Variants in SWT1 observed in about 807,000 individuals in gnomAD.
SWT1 encodes SWT1 RNA endoribonuclease homolog.
A neutral mutation model predicts 107.3 loss-of-function variants in SWT1; 33 were observed. The observed-to-expected ratio is 0.31, with a 90% confidence interval of 0.23 to 0.41. The LOEUF (loss-of-function observed/expected upper bound fraction) is 0.41. Ranked by LOEUF, SWT1 falls within the 10% of genes least tolerant of loss-of-function variation. SWT1 has a pLI of 1.00. For missense variants in SWT1, 898 were observed against 1,028.9 expected, an observed-to-expected ratio of 0.87 and a Z score of 1.74; for synonymous variants, 345 against 348.3, an observed-to-expected ratio of 0.99 and a Z score of 0.11.
intron 5 of SWT1, among the ~76,000 whole-genome samples, chr1:185,179,320 A>G (rs1402051678): frequency 6.6e-6 from 1 of 152,204 alleles, no homozygotes; most frequent in African/African-American, 2.4e-5. Flanking sequence ...AGATTTCCGT[A>G]AAGTACATGT....
intron 16 of SWT1, among the ~76,000 whole-genome samples, chr1:185,235,448 C>T (rs1410108197): frequency 1.3e-5 from 2 of 152,108 alleles, no homozygotes; most frequent in African/African-American, 2.4e-5. Flanking sequence ...ATAAACAGAG[C>T]CAAAGACAAA....
chr1:185,225,307 T>C (rs1032559847), intron 15 of SWT1, among the ~76,000 whole-genome samples: 2 of 152,190 alleles, frequency 1.3e-5, no homozygotes, highest in African/African-American at 4.8e-5. Context: ...GTGGTTGGAT[T>C]CAGTTTGCTA....
chr1:185,279,042 T>C (rs543670827), intron 18 of SWT1, among the ~76,000 whole-genome samples: 2 of 152,152 alleles, frequency 1.3e-5, no homozygotes, highest in South Asian at 4.1e-4. Context: ...TTAAAATAAG[T>C]TTTTCAAGAA....
intron 16 of SWT1, among the ~76,000 whole-genome samples, chr1:185,235,806 A>G (rs937321058): frequency 1.3e-5 from 2 of 152,210 alleles, no homozygotes; most frequent in East Asian, 1.9e-4. Flanking sequence ...AGAAAACCCC[A>G]TCGTCTCAGC....
In SWT1 at chr1:185,174,627, G is replaced by A. The variant is rs74134429; in HGVS notation, c.480G>A (p.Val160=). ...GTAGTCCTAAGATTGCCAGTGATGTGAAACCTAAAGCCGAAGGCCAGGCAA... is the reference window on the plus strand; with the variant it reads ...GTAGTCCTAAGATTGCCAGTGATGTAAAACCTAAAGCCGAAGGCCAGGCAA... The part of the protein sequence containing the change: ...SLSSPKIASD[V]KPKAEGQASE... The change falls in exon 5 of 19, where the codon GTG becomes GTA. Residue 160 remains valine (V), a synonymous_variant. Coordinates refer to ENST00000367500, the MANE Select transcript of SWT1 (RefSeq NM_017673.7). The A allele has an allele frequency of 5.2e-4, 844 of 1,612,484 alleles. 8 individuals are homozygous for A. In the African/African-American group the frequency reaches 0.01, roughly 19 times the overall value.
intron 2 of SWT1, among the ~76,000 whole-genome samples, chr1:185,163,032 A>G (rs1309161016): frequency 1.3e-5 from 2 of 152,144 alleles, no homozygotes; most frequent in East Asian, 3.9e-4. Context: ...GAGTCTTCAG[A>G]GAGTCATAAT....
chr1:185,270,082 GACTTTT>G (rs1663743859), intron 16 of SWT1, among the ~76,000 whole-genome samples: 1 of 152,120 alleles, frequency 6.6e-6, no homozygotes, highest in Non-Finnish European at 1.5e-5. Context: ...CTGTTGTAAT[GACTTTT>G]CTTATAGTAA....
At chr1:185,234,540 C>G (rs913397194) in intron 16 of SWT1, among the ~76,000 whole-genome samples, 2 of 152,118 alleles carry the variant, frequency 1.3e-5, no homozygotes, top group Non-Finnish European at 2.9e-5. Flanking sequence ...ATACTGCACA[C>G]CAATGGATCT....
Position 185,285,835 on chromosome 1 carries a change from C to G in SWT1, c.2574-4839C>G, listed in dbSNP as rs140883480. Among the ~76,000 whole-genome samples, 866 of 152,294 alleles carry G rather than the reference C, an allele frequency of 5.7e-3. 6 individuals are homozygous for G. Among genetic ancestry groups the G allele is most frequent in the Non-Finnish European group, 7.3e-3 (499 of 68,016 alleles). On this transcript the variant is annotated intron_variant, in intron 18 of 18. Coordinates refer to ENST00000367500, the MANE Select transcript of SWT1 (RefSeq NM_017673.7). ...GACCATTCTTTCTCCATTGAATGGT[C>G]TTAGCATCCTTGATGAAAATCAGTT...
chr1:185,175,203 T>G (rs1043607045), intron 5 of SWT1, 90 bp downstream of exon 5: 24 of 367,898 alleles, frequency 6.5e-5, no homozygotes, highest in East Asian at 1.9e-4. Flanking sequence ...TTTTTTTCTG[T>G]TTTTTTTTTT....
chr1:185,195,433 A>G (rs183074051), intron 10 of SWT1, among the ~76,000 whole-genome samples: 16 of 152,238 alleles, frequency 1.1e-4, no homozygotes, highest in East Asian at 9.7e-4. Flanking sequence ...AGTCTTTGCT[A>G]TTGTGAATAG....
At chr1:185,242,022 T>C (rs995250332) in intron 16 of SWT1, among the ~76,000 whole-genome samples, 3 of 152,140 alleles carry the variant, frequency 2.0e-5, no homozygotes, top group African/African-American at 7.2e-5. Flanking sequence ...TTATTACTTA[T>C]GGATTACTCT....
intron 18 of SWT1, among the ~76,000 whole-genome samples, chr1:185,286,520 G>T (rs893008572): frequency 6.6e-6 from 1 of 152,140 alleles, no homozygotes; most frequent in African/African-American, 2.4e-5. Context: ...CACCGCATAT[G>T]GGCAGTGTAC....
chr1:185,257,668 G>A (rs1254832125), intron 16 of SWT1, among the ~76,000 whole-genome samples: 3 of 152,312 alleles, frequency 2.0e-5, no homozygotes, highest in African/African-American at 7.2e-5. Context: ...CCACTGACCT[G>A]TGCCCACTGT....
chr1:185,234,306 G>A (rs575843523), intron 16 of SWT1, among the ~76,000 whole-genome samples: 150 of 152,248 alleles, frequency 9.9e-4, no homozygotes, highest in African/African-American at 3.6e-3. Flanking sequence ...CTCCTGTATT[G>A]GGTACAGATG....
chr1:185,270,280 A>C (rs1005503344), intron 16 of SWT1, among the ~76,000 whole-genome samples: 24 of 138,292 alleles, frequency 1.7e-4, no homozygotes, highest in Non-Finnish European at 2.7e-4. Context: ...AGGCTGGTTT[A>C]CTTTCCTTTT....
chr1:185,172,873 G>C (rs375913790), intron 4 of SWT1, among the ~76,000 whole-genome samples: 3 of 151,698 alleles, frequency 2.0e-5, no homozygotes, highest in Non-Finnish European at 4.4e-5. Flanking sequence ...ATGAAACCCC[G>C]TCTCTACTAA....
In SWT1 at chr1:185,244,566, TG is replaced by T. The variant is rs201547224; in HGVS notation, c.2441+12861del. ...AGTGGAAGTGCTCTGGGTGAGTCAG[TG>T]GGTGGGTGGTGAGTCAGTGGGTGAG... On this transcript the variant is annotated intron_variant, in intron 16 of 18. Coordinates refer to ENST00000367500, the MANE Select transcript of SWT1 (RefSeq NM_017673.7). Among the ~76,000 whole-genome samples, 533 of 152,054 alleles carry T rather than the reference TG, an allele frequency of 3.5e-3. 1 individual carries two copies. The highest frequency in any genetic ancestry group is 0.012 in the African/African-American group (509 of 41,498).
chr1:185,278,564 C>T (rs572901040), intron 18 of SWT1, among the ~76,000 whole-genome samples: 2 of 152,324 alleles, frequency 1.3e-5, no homozygotes, highest in East Asian at 3.9e-4. Flanking sequence ...TCACTGTTGC[C>T]TTCCAATACC....
Sources: allele counts gnomAD v4.1 joint callset (sites outside exome capture counted in the v4.1 genomes callset), GRCh38; gene constraint gnomAD v4.1.1; transcripts MANE v1.5; gene names NCBI Gene and HGNC (gene_info 2026-07-23, HGNC 2026-07-21).